CD8A: variants seen among roughly 807,000 people sequenced by gnomAD.
CD8A encodes T-cell surface glycoprotein CD8 alpha chain.
In CD8A, 25 loss-of-function variants were observed where a neutral mutation model predicts 24.2. The ratio of observed to expected loss-of-function variants is 1.03; its 90% CI spans 0.75 to 1.44. The LOEUF (loss-of-function observed/expected upper bound fraction) is 1.44, where lower values mean the gene tolerates loss of function less well. Ranked by LOEUF, CD8A falls within the 40% of genes most tolerant of loss-of-function variation. The pLI, the probability that CD8A is intolerant of heterozygous loss-of-function variation, is 0.00. For missense variants in CD8A, 360 were observed against 319.7 expected (o/e 1.13, Z -0.96); for synonymous variants, 165 against 149.9 (o/e 1.10, Z -0.74).
At chr2:86,807,214 T>C (rs976786950) in intron 2 of CD8A, among the ~76,000 whole-genome samples, 1 of 151,856 alleles carries the variant, frequency 6.6e-6, no homozygotes, top group African/African-American at 2.4e-5. Flanking sequence ...CCAAGCTACT[T>C]GGGAGGCTGA....
intron 3 of CD8A, among the ~76,000 whole-genome samples, chr2:86,798,981 G>T (rs541347135): frequency 6.6e-6 from 1 of 151,980 alleles, no homozygotes. Flanking sequence ...TCATCATATT[G>T]TGTGTCTTTG....
chr2:86,789,739 TG>T lies in CD8A; in HGVS notation c.414del (p.Thr139ArgfsTer153). The T allele has an allele frequency of 1.5e-6, 2 of 1,362,586 alleles. No individual in the cohort carries two copies. Among genetic ancestry groups the T allele is most frequent in the Non-Finnish European group, 1.9e-6 (2 of 1,065,470 alleles). 84.4% of individuals were successfully genotyped at this position (1,362,586 alleles called of 1,614,324 possible). A position where few individuals can be genotyped will look rare whatever the true frequency, so the allele number is the denominator to read the frequency against. On this transcript the variant is annotated frameshift_variant, in exon 3 of 6. Coordinates refer to ENST00000283635, the MANE Select transcript of CD8A (RefSeq NM_001768.7). LOFTEE classifies it high-confidence loss of function. The stretch of plus-strand genomic sequence containing the variant: ...GTTGGTGGTCGCGGCGCTGGCGTCG[TG>T]GTGGGCTTCGCTGCAAGAGCAACAG... ...FVPVFLPAKP[T>X]TTPAPRPPTP...
At chr2:86,806,653 G>C (rs896849747) in intron 2 of CD8A, among the ~76,000 whole-genome samples, 2 of 152,202 alleles carry the variant, frequency 1.3e-5, no homozygotes, top group African/African-American at 2.4e-5. Context: ...GGCCGTGAGG[G>C]GAGCATCACT....
chr2:86,784,953 G>A lies in CD8A; in HGVS notation c.*967C>T. On this transcript the variant is annotated 3_prime_UTR_variant, in exon 6 of 6. Coordinates refer to ENST00000283635, the MANE Select transcript of CD8A (RefSeq NM_001768.7). ...TCCCTGTATCTGCTAGTTGAGCAGA[G>A]GCCAGGGCTGTGTGAGGGGCTCTCC... 1 of 454,116 alleles carries A rather than the reference G, an allele frequency of 2.2e-6. No individual in the cohort carries two copies. The highest frequency in any genetic ancestry group is 4.4e-6 in the Non-Finnish European group (1 of 226,796). 28.1% of individuals were successfully genotyped at this position (454,116 alleles called of 1,614,324 possible). A position where few individuals can be genotyped will look rare whatever the true frequency, so the allele number is the denominator to read the frequency against.
chr2:86,801,154 A>G (rs1025667934), intron 3 of CD8A, among the ~76,000 whole-genome samples: 1 of 152,212 alleles, frequency 6.6e-6, no homozygotes, highest in African/African-American at 2.4e-5. Context: ...GAGGCAATAA[A>G]TTTCTTTTGT....
intron 3 of CD8A, among the ~76,000 whole-genome samples, chr2:86,800,571 T>G (rs1485303469): frequency 3.3e-5 from 5 of 152,220 alleles, no homozygotes; most frequent in Non-Finnish European, 5.9e-5. Context: ...AGTTAATCAA[T>G]TTCAGCAATC....
intron 2 of CD8A, among the ~76,000 whole-genome samples, chr2:86,806,462 G>C (rs1040767976): frequency 5.3e-5 from 8 of 152,232 alleles, no homozygotes; most frequent in Admixed American, 2.0e-4. Flanking sequence ...TTGGCCTGCA[G>C]CAACTCCTCT....
At position 86,786,352 on chromosome 2, in the gene CD8A, C is replaced by A. The variant is rs1413094997; in HGVS notation, c.657-381G>T. On this transcript the variant is annotated intron_variant, in intron 5 of 5. Coordinates refer to ENST00000283635, the MANE Select transcript of CD8A (RefSeq NM_001768.7). ...ACCAAAGTCATTAGCTGACCTGATTCTCAGCCCCGGAGGATGACAGGGAGA... is the reference window on the plus strand; with the variant it reads ...ACCAAAGTCATTAGCTGACCTGATTATCAGCCCCGGAGGATGACAGGGAGA... 6.6e-5 allele frequency among the ~76,000 whole-genome samples: 10 copies of A among 152,356 alleles called. No individual in the cohort carries two copies. The East Asian group carries it at 1.9e-3, about 29-fold the overall frequency.
At chr2:86,799,580 C>A (rs1180698919) in intron 3 of CD8A, among the ~76,000 whole-genome samples, 2 of 151,724 alleles carry the variant, frequency 1.3e-5, no homozygotes, top group Admixed American at 6.6e-5. Context: ...CACGGTGAAA[C>A]CCCATCTCTA....
intron 2 of CD8A, among the ~76,000 whole-genome samples, chr2:86,802,459 A>G (rs1673705115): frequency 6.6e-6 from 1 of 152,170 alleles, no homozygotes; most frequent in Non-Finnish European, 1.5e-5. Context: ...ATATTTAGAA[A>G]CTTATGGTTG....
At chr2:86,787,957 A>C (rs1673091518) in intron 5 of CD8A, among the ~76,000 whole-genome samples, 1 of 151,460 alleles carries the variant, frequency 6.6e-6, no homozygotes, top group Non-Finnish European at 1.5e-5. Flanking sequence ...TGAGGCAGTC[A>C]CTTGAGCTGC....
chr2:86,793,414 AT>A (rs1280583638), upstream of CD8A, among the ~76,000 whole-genome samples: 1 of 151,960 alleles, frequency 6.6e-6, no homozygotes, highest in Non-Finnish European at 1.5e-5. Context: ...CTATCGATGT[AT>A]GCATGTGTGT....
Position 86,800,496 on chromosome 2 carries a change from T to C in CD8A, c.-271+1015A>G, listed in dbSNP as rs114881909. Among the ~76,000 whole-genome samples, 850 of 152,018 alleles carry C rather than the reference T, an allele frequency of 5.6e-3. 10 individuals are homozygous for C. Among genetic ancestry groups the C allele is most frequent in the African/African-American group, 0.019 (799 of 41,500 alleles). On this transcript the variant is annotated intron_variant, in intron 3 of 8. Transcript: ENST00000409511. ...AAGATAAAAACATTATATCACAATA[T>C]TGTTTGTATTGGAATTTGTCTTGAA... is the stretch of plus-strand genomic sequence containing the variant.
rs1326611767 is a variant in CD8A, at chr2:86,784,678, C to A, written c.*1242G>T. 2.3e-6 allele frequency: 1 copy of A among 444,180 alleles called. No homozygotes were observed. Among genetic ancestry groups the A allele is most frequent in the South Asian group, 1.6e-5 (1 of 62,254 alleles). The allele number at this position is 444,180 out of a possible 1,614,324, so 27.5% of individuals were successfully genotyped here. On this transcript the variant is annotated 3_prime_UTR_variant, in exon 6 of 6. Transcript: ENST00000283635. ...TAAAGCCACTCATAACAGCATAGTACAACCCTATTTAAAAAAGAAAGACAT... is the reference window on the plus strand; with the variant it reads ...TAAAGCCACTCATAACAGCATAGTAAAACCCTATTTAAAAAAGAAAGACAT...
At chr2:86,804,332 C>A (rs927160045) in intron 2 of CD8A, among the ~76,000 whole-genome samples, 4 of 152,100 alleles carry the variant, frequency 2.6e-5, no homozygotes, top group South Asian at 2.1e-4. Flanking sequence ...TCACAAAAAA[C>A]CAAATACTGT....
At chr2:86,807,202 G>A (rs746173977) in intron 2 of CD8A, among the ~76,000 whole-genome samples, 14 of 152,212 alleles carry the variant, frequency 9.2e-5, no homozygotes, top group Non-Finnish European at 1.3e-4. Flanking sequence ...CGGGTCCATG[G>A]TCCAAGCTAC....
At chr2:86,805,609 T>C (rs1205919357) in intron 2 of CD8A, among the ~76,000 whole-genome samples, 1 of 152,232 alleles carries the variant, frequency 6.6e-6, no homozygotes, top group Non-Finnish European at 1.5e-5. Context: ...TTGCTGGCTA[T>C]TCAGCTTTCC....
In CD8A at chr2:86,790,480, A is replaced by G. The variant is rs1056431594; in HGVS notation, c.251T>C (p.Leu84Pro). 3.1e-6 allele frequency: 5 copies of G among 1,614,006 alleles called. No individual in the cohort carries two copies. The highest frequency in any genetic ancestry group is 4.2e-6 in the Non-Finnish European group (5 of 1,180,024). The change falls in exon 2 of 6, where the codon CTG becomes CCG. Residue 84 changes from leucine to proline, a missense_variant. Transcript: ENST00000283635. ...SQNKPKAAEG[L>P]DTQRFSGKRL... ...CTTGCCCGAGAACCGCTGGGTGTCC[A>G]GCCCCTCGGCCGCCTTGGGCTTGTT...
At chr2:86,797,057 C>T (rs1052798797) in intron 3 of CD8A, among the ~76,000 whole-genome samples, 1 of 152,194 alleles carries the variant, frequency 6.6e-6, no homozygotes, top group African/African-American at 2.4e-5. Flanking sequence ...CAGTGATTGG[C>T]TTTCTGTGAG....
Sources: allele counts gnomAD v4.1 joint callset (sites outside exome capture counted in the v4.1 genomes callset), GRCh38; gene constraint gnomAD v4.1.1; transcripts MANE v1.5; gene names NCBI Gene and HGNC (gene_info 2026-07-23, HGNC 2026-07-21).